The following UNC79 variants were observed in gnomAD, a reference collection of about 807,000 sequenced individuals.
UNC79 encodes protein unc-79 homolog.
In UNC79, 37 loss-of-function variants were observed where a neutral mutation model predicts 283.1. That is an observed-to-expected ratio of 0.13 (90% CI 0.10 to 0.17). The LOEUF (loss-of-function observed/expected upper bound fraction) is 0.17. Among genes scored for constraint, UNC79 ranks in the 10% least tolerant of loss-of-function variants. The probability of loss-of-function intolerance (pLI) is 1.00; values close to 1 mark genes in which losing one functional copy is unlikely to be tolerated. For missense variants in UNC79, 2,272 were observed against 3,211.1 expected (o/e 0.71, Z 7.07); for synonymous variants, 1,107 against 1,200.2 (o/e 0.92, Z 1.61).
chr14:93,612,817 GACA>G, exon 27 of UNC79: 1 of 1,613,892 alleles, frequency 6.2e-7, no homozygotes, highest in South Asian at 1.1e-5. Context: ...TCCTGAGAAT[GACA>G]ACACCATCAA....
At chr14:93,619,766 A>T (rs1055103281) in intron 29 of UNC79, among the ~76,000 whole-genome samples, 2 of 152,224 alleles carry the variant, frequency 1.3e-5, no homozygotes, top group African/African-American at 2.4e-5. Context: ...TGCTAAAAAA[A>T]ACCTTGAATA....
At chr14:93,636,829 C>T (rs1463549333) in intron 31 of UNC79, among the ~76,000 whole-genome samples, 1 of 152,166 alleles carries the variant, frequency 6.6e-6, no homozygotes, top group Non-Finnish European at 1.5e-5. Context: ...ACCTTTCTGG[C>T]CATTGCCCCA....
At chr14:93,462,355 G>C (rs1197735910) in intron 1 of UNC79, among the ~76,000 whole-genome samples, 1 of 152,172 alleles carries the variant, frequency 6.6e-6, no homozygotes, top group Non-Finnish European at 1.5e-5. Context: ...TGGCTTTTGT[G>C]TCACGACGTT....
intron 14 of UNC79, among the ~76,000 whole-genome samples, chr14:93,567,235 AT>A (rs2062945817): frequency 6.6e-6 from 1 of 151,914 alleles, no homozygotes; most frequent in Non-Finnish European, 1.5e-5. Context: ...TTTCTGTTGT[AT>A]TTTTTTGAGA....
At chr14:93,527,529 C>T (rs572651296) in intron 8 of UNC79, among the ~76,000 whole-genome samples, 17 of 152,244 alleles carry the variant, frequency 1.1e-4, no homozygotes, top group South Asian at 6.2e-4. Flanking sequence ...CAAATGTTGA[C>T]GGTAAATTGA....
At chr14:93,453,247 T>C (rs894845898) in intron 1 of UNC79, among the ~76,000 whole-genome samples, 3 of 152,238 alleles carry the variant, frequency 2.0e-5, no homozygotes, top group Non-Finnish European at 2.9e-5. Context: ...TCATTTTGTT[T>C]TGAAATTGAG....
chr14:93,484,773 T>C (rs2058328134), intron 4 of UNC79, among the ~76,000 whole-genome samples: 1 of 152,226 alleles, frequency 6.6e-6, no homozygotes, highest in African/African-American at 2.4e-5. Context: ...GCATGTTTAT[T>C]AAATTAGAAT....
At chr14:93,601,348 C>T (rs1335031952) in intron 25 of UNC79, among the ~76,000 whole-genome samples, 5 of 151,780 alleles carry the variant, frequency 3.3e-5, no homozygotes, top group East Asian at 3.9e-4. Flanking sequence ...TGAGAACATA[C>T]GATATTTGGT....
At chr14:93,572,060 T>C in exon 15 of UNC79, 1 of 1,614,084 alleles carries the variant, frequency 6.2e-7, no homozygotes. Flanking sequence ...GATAATCAGT[T>C]AAAAGAATTC....
chr14:93,601,730 A>C (rs923905754), intron 25 of UNC79, among the ~76,000 whole-genome samples: 1 of 152,208 alleles, frequency 6.6e-6, no homozygotes, highest in African/African-American at 2.4e-5. Context: ...ACAGTGTAAA[A>C]GTGTTCCCTT....
chr14:93,348,365 C>G (rs2139904686), intron 1 of UNC79: 2 of 425,160 alleles, frequency 4.7e-6, no homozygotes, highest in South Asian at 8.7e-5. Flanking sequence ...AATATGTGTG[C>G]AGATTATTTT....
intron 1 of UNC79, among the ~76,000 whole-genome samples, chr14:93,346,154 A>G (rs140074194): frequency 6.6e-6 from 1 of 152,194 alleles, no homozygotes; most frequent in African/African-American, 2.4e-5. Context: ...AGAACAGCTT[A>G]AGGATGTACT....
exon 27 of UNC79, chr14:93,613,020 G>T (rs2066418958): frequency 6.2e-7 from 1 of 1,614,064 alleles, no homozygotes; most frequent in Non-Finnish European, 8.5e-7. Context: ...GTTGCTTCAT[G>T]ATTGCACCTC....
intron 1 of UNC79, among the ~76,000 whole-genome samples, chr14:93,335,781 A>ATACCTGGGCC (rs1191744854): frequency 6.6e-6 from 1 of 152,258 alleles, no homozygotes; most frequent in Non-Finnish European, 1.5e-5. Context: ...CATCATTTGA[A>ATACCTGGGCC]TACCTGGGCC....
At chr14:93,692,775 G>T (rs2074797591) in intron 46 of UNC79, among the ~76,000 whole-genome samples, 1 of 152,218 alleles carries the variant, frequency 6.6e-6, no homozygotes, top group African/African-American at 2.4e-5. Flanking sequence ...CCAGTGTGGA[G>T]TATTCATCCT....
chr14:93,342,837 CA>C (rs766055874), intron 1 of UNC79, among the ~76,000 whole-genome samples: 3 of 152,226 alleles, frequency 2.0e-5, no homozygotes, highest in African/African-American at 7.2e-5. Context: ...ATCTCTAGGA[CA>C]GGGGCAAAAT....
chr14:93,623,994 C>G (rs2067343606), intron 30 of UNC79, among the ~76,000 whole-genome samples: 2 of 152,200 alleles, frequency 1.3e-5, no homozygotes, highest in South Asian at 4.1e-4. Flanking sequence ...ATGTTAAAAA[C>G]TGGTGAAGGT....
chr14:93,388,009 T>G (rs1218981211), intron 1 of UNC79, among the ~76,000 whole-genome samples: 1 of 152,256 alleles, frequency 6.6e-6, no homozygotes, highest in Middle Eastern at 3.2e-3. Flanking sequence ...TCTGATAGTT[T>G]TTGTCTTGAC....
chr14:93,371,558 C>T (rs2054447078), intron 1 of UNC79, among the ~76,000 whole-genome samples: 1 of 151,962 alleles, frequency 6.6e-6, no homozygotes, highest in Non-Finnish European at 1.5e-5. Flanking sequence ...ATAAGAATTA[C>T]AGCCGGGCTA....
Sources: allele counts gnomAD v4.1 joint callset (sites outside exome capture counted in the v4.1 genomes callset), GRCh38; gene constraint gnomAD v4.1.1; transcripts MANE v1.5; gene names NCBI Gene and HGNC (gene_info 2026-07-23, HGNC 2026-07-21).